PSMD14: variants seen among roughly 807,000 people sequenced by gnomAD.
PSMD14 encodes ubiquitin C-terminal hydrolase PSMD14.
PSMD14 carries 7 observed loss-of-function variants against 41.2 expected under a neutral mutation model. The ratio of observed to expected loss-of-function variants is 0.17; its 90% CI spans 0.10 to 0.32. The LOEUF (loss-of-function observed/expected upper bound fraction) is 0.32. PSMD14 is among the 10% of genes least tolerant of loss of function. PSMD14 has a pLI of 1.00. For missense variants in PSMD14, 139 were observed against 375.6 expected (o/e 0.37, Z 5.21); for synonymous variants, 114 against 122.3 (o/e 0.93, Z 0.45).
At chr2:161,357,321 T>C (rs190891970) in intron 3 of PSMD14, among the ~76,000 whole-genome samples, 7 of 152,256 alleles carry the variant, frequency 4.6e-5, no homozygotes, top group Non-Finnish European at 8.8e-5. Flanking sequence ...TTTTATATCA[T>C]TGGTTGCTTA....
At chr2:161,331,626 T>C (rs1465988989) in intron 3 of PSMD14, among the ~76,000 whole-genome samples, 1 of 152,190 alleles carries the variant, frequency 6.6e-6, no homozygotes, top group Non-Finnish European at 1.5e-5. Context: ...CTTGAAATGG[T>C]ATGAAAATTG....
chr2:161,383,479 T>C (rs184460823), intron 7 of PSMD14: 1 of 152,024 alleles, frequency 6.6e-6, no homozygotes, highest in East Asian at 1.9e-4. Context: ...TCATGATATC[T>C]ACTGAACTAG....
intron 10 of PSMD14, chr2:161,408,569 A>G (rs746122868): frequency 4.8e-5 from 18 of 371,760 alleles, no homozygotes; most frequent in African/African-American, 6.3e-5. Flanking sequence ...ACAGTTTGCA[A>G]ATGGTCAACA....
chr2:161,392,995 T>C (rs1034052559), intron 9 of PSMD14, among the ~76,000 whole-genome samples: 2 of 152,184 alleles, frequency 1.3e-5, no homozygotes, highest in Non-Finnish European at 2.9e-5. Context: ...AAAGCAAATA[T>C]ATAAGCACTT....
At chr2:161,347,764 A>G (rs910202650) in intron 3 of PSMD14, among the ~76,000 whole-genome samples, 1 of 152,220 alleles carries the variant, frequency 6.6e-6, no homozygotes, top group African/African-American at 2.4e-5. Flanking sequence ...ATAAACAGTT[A>G]ATATTTGTGG....
chr2:161,353,392 GA>G (rs1364458552), intron 3 of PSMD14, among the ~76,000 whole-genome samples: 34 of 152,284 alleles, frequency 2.2e-4, no homozygotes, highest in African/African-American at 7.9e-4. Flanking sequence ...CACATCCTCA[GA>G]AAAACAACCA....
intron 3 of PSMD14, among the ~76,000 whole-genome samples, chr2:161,357,257 A>T (rs1190715082): frequency 1.3e-5 from 2 of 151,954 alleles, no homozygotes; most frequent in Non-Finnish European, 2.9e-5. Context: ...TAAATGTGTC[A>T]CATCATAACT....
At chr2:161,386,016 T>A (rs1683630638) in intron 8 of PSMD14, among the ~76,000 whole-genome samples, 1 of 151,804 alleles carries the variant, frequency 6.6e-6, no homozygotes, top group African/African-American at 2.4e-5. Context: ...TTTTCTTCTT[T>A]AAAAAACCCA....
chr2:161,312,662 C>T (rs1023619502), intron 1 of PSMD14, among the ~76,000 whole-genome samples: 4 of 152,034 alleles, frequency 2.6e-5, no homozygotes, highest in African/African-American at 4.8e-5. Flanking sequence ...TAATATTTTC[C>T]ATAAAGTTAA....
intron 10 of PSMD14, among the ~76,000 whole-genome samples, chr2:161,404,086 T>C (rs1423250666): frequency 6.6e-6 from 1 of 151,908 alleles, no homozygotes; most frequent in East Asian, 1.9e-4. Context: ...TTTTTTTCTT[T>C]TAAGATACAA....
At chr2:161,350,004 T>A (rs539324970) in intron 3 of PSMD14, among the ~76,000 whole-genome samples, 1 of 152,200 alleles carries the variant, frequency 6.6e-6, no homozygotes, top group African/African-American at 2.4e-5. Flanking sequence ...AAGAGGGAAC[T>A]GGGAATGTCC....
chr2:161,405,079 C>A (rs1030066829), intron 10 of PSMD14, among the ~76,000 whole-genome samples: 4 of 152,182 alleles, frequency 2.6e-5, no homozygotes, highest in African/African-American at 9.6e-5. Context: ...CTACTTTCTA[C>A]TTTTTCATGA....
chr2:161,368,386 G>A (rs1245453261), intron 5 of PSMD14, among the ~76,000 whole-genome samples: 5 of 151,950 alleles, frequency 3.3e-5, no homozygotes, highest in Admixed American at 6.6e-5. Flanking sequence ...TTAAGTTAAA[G>A]CAAAACAAAA....
At chr2:161,403,523 A>G (rs187650804) in intron 10 of PSMD14, among the ~76,000 whole-genome samples, 1 of 152,304 alleles carries the variant, frequency 6.6e-6, no homozygotes, top group East Asian at 1.9e-4. Context: ...ATTTTATGTT[A>G]TGTGAAATGT....
chr2:161,313,756 A>T (rs1299570043), intron 1 of PSMD14, among the ~76,000 whole-genome samples: 1 of 152,242 alleles, frequency 6.6e-6, no homozygotes, highest in Non-Finnish European at 1.5e-5. Context: ...CTCATCAGCC[A>T]TCATGCATGA....
At chr2:161,321,724 A>G (rs1297737592) in intron 3 of PSMD14, among the ~76,000 whole-genome samples, 3 of 152,212 alleles carry the variant, frequency 2.0e-5, no homozygotes, top group African/African-American at 4.8e-5. Context: ...TGCTGTGCTT[A>G]TTATTACAAT....
intron 9 of PSMD14, among the ~76,000 whole-genome samples, chr2:161,393,752 A>C (rs1683748786): frequency 6.6e-6 from 1 of 151,952 alleles, no homozygotes. Flanking sequence ...AAGGGAAAAA[A>C]CTTCTTATTT....
At chr2:161,364,065 G>A (rs1028714018) in intron 3 of PSMD14, among the ~76,000 whole-genome samples, 1 of 152,220 alleles carries the variant, frequency 6.6e-6, no homozygotes, top group Non-Finnish European at 1.5e-5. Context: ...TTGAGTGAAA[G>A]TAGCTCTTAG....
At chr2:161,350,751 G>T (rs895913370) in intron 3 of PSMD14, among the ~76,000 whole-genome samples, 2 of 152,222 alleles carry the variant, frequency 1.3e-5, no homozygotes, top group African/African-American at 4.8e-5. Flanking sequence ...TGCAGGTATA[G>T]TTAGAAGCAG....
Sources: allele counts gnomAD v4.1 joint callset (sites outside exome capture counted in the v4.1 genomes callset), GRCh38; gene constraint gnomAD v4.1.1; transcripts MANE v1.5; gene names NCBI Gene and HGNC (gene_info 2026-07-23, HGNC 2026-07-21).